ATP2B2: variants seen among roughly 807,000 people sequenced by gnomAD.
ATP2B2 encodes plasma membrane calcium-transporting ATPase 2.
A neutral mutation model predicts 120.0 loss-of-function variants in ATP2B2; 15 were observed. The observed-to-expected ratio is 0.12, with a 90% CI of 0.08 to 0.19. The LOEUF (loss-of-function observed/expected upper bound fraction) is 0.19, where lower values mean the gene tolerates loss of function less well. Ranked by LOEUF, ATP2B2 falls within the 10% of genes least tolerant of loss-of-function variation. The pLI, the probability that ATP2B2 is intolerant of heterozygous loss-of-function variation, is 1.00. For missense variants in ATP2B2, 1,045 were observed against 1,719.8 expected (o/e 0.61, Z 6.94); for synonymous variants, 694 against 700.3 (o/e 0.99, Z 0.14).
chr3:10,443,957 C>T (rs2063751804), intron 2 of ATP2B2, among the ~76,000 whole-genome samples: 1 of 152,216 alleles, frequency 6.6e-6, no homozygotes, highest in Non-Finnish European at 1.5e-5. Context: ...CTTAGTGACA[C>T]AGCTGAGGCT....
intron 1 of ATP2B2, among the ~76,000 whole-genome samples, chr3:10,691,130 C>A (rs1210741726): frequency 6.6e-6 from 1 of 152,212 alleles, no homozygotes; most frequent in African/African-American, 2.4e-5. Flanking sequence ...ACAAGCCTTG[C>A]AGGGAAATTC....
chr3:10,549,206 C>T (rs1005070885), intron 2 of ATP2B2, among the ~76,000 whole-genome samples: 2 of 152,194 alleles, frequency 1.3e-5, no homozygotes, highest in African/African-American at 4.8e-5. Flanking sequence ...CCCCTGAGTT[C>T]TAGCATCACT....
intron 1 of ATP2B2, among the ~76,000 whole-genome samples, chr3:10,641,590 C>T (rs549108133): frequency 1.9e-4 from 29 of 152,348 alleles, no homozygotes; most frequent in African/African-American, 5.3e-4. Flanking sequence ...GGCCAGATCT[C>T]GCCTTTAAGA....
At chr3:10,418,600 G>T (rs1447939664) in intron 2 of ATP2B2, among the ~76,000 whole-genome samples, 1 of 152,110 alleles carries the variant, frequency 6.6e-6, no homozygotes, top group Non-Finnish European at 1.5e-5. Flanking sequence ...GGCCCCATGG[G>T]GCTGCACGTC....
At chr3:10,420,229 T>C (rs571268672) in intron 2 of ATP2B2, among the ~76,000 whole-genome samples, 2 of 152,320 alleles carry the variant, frequency 1.3e-5, no homozygotes, top group East Asian at 1.9e-4. Flanking sequence ...CTGCTGGGAC[T>C]GTGGGAAGCC....
chr3:10,500,733 C>G (rs1404440201), intron 1 of ATP2B2, among the ~76,000 whole-genome samples: 1 of 152,244 alleles, frequency 6.6e-6, no homozygotes, highest in Non-Finnish European at 1.5e-5. Context: ...AGACTTCTGG[C>G]TTCCAGAAGT....
intron 1 of ATP2B2, among the ~76,000 whole-genome samples, chr3:10,700,297 C>G (rs866615580): frequency 6.6e-6 from 1 of 152,122 alleles, no homozygotes; most frequent in Admixed American, 6.6e-5. Context: ...CTGTGCCTCA[C>G]AGAAAAAGCC....
At chr3:10,631,746 A>T (rs552471973) in intron 1 of ATP2B2, among the ~76,000 whole-genome samples, 1 of 152,234 alleles carries the variant, frequency 6.6e-6, no homozygotes. Context: ...CGTCCCCTAC[A>T]TGCTAAGAAA....
At chr3:10,690,427 T>C (rs2071632068) in intron 1 of ATP2B2, among the ~76,000 whole-genome samples, 1 of 142,800 alleles carries the variant, frequency 7.0e-6, no homozygotes, top group Admixed American at 7.2e-5. Flanking sequence ...AGAATATCTA[T>C]ATCTATATCT....
chr3:10,613,208 C>T (rs1292939380), intron 2 of ATP2B2, among the ~76,000 whole-genome samples: 3 of 152,182 alleles, frequency 2.0e-5, no homozygotes, highest in Non-Finnish European at 2.9e-5. Flanking sequence ...ATTTCATGCC[C>T]TGAAAAATGT....
intron 5 of ATP2B2, among the ~76,000 whole-genome samples, chr3:10,390,600 C>G (rs1210109040): frequency 2.0e-5 from 3 of 152,086 alleles, no homozygotes; most frequent in Non-Finnish European, 2.9e-5. Context: ...CAGACACTCT[C>G]CAGTGATTCC....
intron 1 of ATP2B2, among the ~76,000 whole-genome samples, chr3:10,503,474 G>A (rs1387142270): frequency 6.6e-6 from 1 of 152,246 alleles, no homozygotes; most frequent in Admixed American, 6.5e-5. Flanking sequence ...CCCAACGCCT[G>A]TGTGAGGCTG....
chr3:10,482,419 C>T (rs1011347712), intron 1 of ATP2B2, among the ~76,000 whole-genome samples: 1 of 152,216 alleles, frequency 6.6e-6, no homozygotes, highest in Admixed American at 6.5e-5. Flanking sequence ...GATCCTGGGC[C>T]CCTGCTGCCT....
At chr3:10,491,905 T>C (rs2125368335) in intron 1 of ATP2B2, among the ~76,000 whole-genome samples, 1 of 152,330 alleles carries the variant, frequency 6.6e-6, no homozygotes, top group African/African-American at 2.4e-5. Flanking sequence ...TGCTGTCAAC[T>C]GCAAGACATA....
intron 2 of ATP2B2, among the ~76,000 whole-genome samples, chr3:10,411,468 C>G (rs1441186125): frequency 1.3e-5 from 2 of 152,228 alleles, no homozygotes; most frequent in Non-Finnish European, 2.9e-5. Flanking sequence ...CGCTGGTACC[C>G]TCCTTCCGCT....
rs538107599 is a variant in ATP2B2, at chr3:10,336,612, G to C, written c.3420+1564C>G. ...AAACATGGTATCTGGAGGGAAGAGA[G>C]CAGTGTTCAGCCTCCCTCAGGTACA... On this transcript the variant is annotated intron_variant, in intron 22 of 22. Transcript: ENST00000360273. Among the ~76,000 whole-genome samples, 9 of 152,254 alleles carry C rather than the reference G, an allele frequency of 5.9e-5. No homozygotes were observed. The South Asian group carries it at 6.2e-4, about 11-fold the overall frequency.
At chr3:10,598,005 G>C (rs67101933) in intron 2 of ATP2B2, among the ~76,000 whole-genome samples, 9,371 of 152,164 alleles carry the variant, frequency 0.062, 399 homozygotes, top group Admixed American at 0.13. Context: ...TTGGGCTACT[G>C]GGGGGCAGGA....
At chr3:10,608,411 G>A (rs2069141353) in intron 2 of ATP2B2, among the ~76,000 whole-genome samples, 1 of 152,186 alleles carries the variant, frequency 6.6e-6, no homozygotes, top group Admixed American at 6.5e-5. Context: ...GCCACATAGT[G>A]AGACCTTACC....
chr3:10,483,575 C>T (rs1478184160), intron 1 of ATP2B2, among the ~76,000 whole-genome samples: 5 of 152,170 alleles, frequency 3.3e-5, no homozygotes, highest in Admixed American at 3.3e-4. Flanking sequence ...GAGCGATCTA[C>T]CTGGAAGCCT....
Sources: allele counts gnomAD v4.1 joint callset (sites outside exome capture counted in the v4.1 genomes callset), GRCh38; gene constraint gnomAD v4.1.1; transcripts MANE v1.5; gene names NCBI Gene and HGNC (gene_info 2026-07-23, HGNC 2026-07-21).